Variants in COL4A4 observed in about 807,000 individuals in gnomAD.
COL4A4 encodes collagen alpha-4(IV) chain.
In COL4A4, 105 loss-of-function variants were observed where a neutral mutation model predicts 192.9. The observed-to-expected ratio is 0.54, with a 90% CI of 0.46 to 0.64. The LOEUF is 0.64. Ranked by LOEUF, COL4A4 falls within the 30% of genes least tolerant of loss-of-function variation. The pLI is 0.00. For missense variants in COL4A4, 1,967 were observed against 2,169.3 expected, an observed-to-expected ratio of 0.91 and a Z score of 1.85; for synonymous variants, 762 against 769.9, an observed-to-expected ratio of 0.99 and a Z score of 0.17.
intron 3 of COL4A4, among the ~76,000 whole-genome samples, chr2:227,141,117 G>A (rs2063180331): frequency 6.6e-6 from 1 of 152,242 alleles, no homozygotes; most frequent in Non-Finnish European, 1.5e-5. Flanking sequence ...TGCCAGTGGG[G>A]AGGGAGTGGT....
intron 1 of COL4A4, among the ~76,000 whole-genome samples, chr2:227,161,398 G>T (rs1271379292): frequency 2.0e-5 from 3 of 152,152 alleles, no homozygotes; most frequent in Admixed American, 2.0e-4. Flanking sequence ...AAAAAATAGA[G>T]ACCTCTGTGT....
downstream of COL4A4, chr2:226,998,010 C>G (rs1163966785): frequency 6.6e-6 from 1 of 152,148 alleles, no homozygotes; most frequent in Non-Finnish European, 1.5e-5. Context: ...GACTAATTAT[C>G]TCTAGTAGGG....
rs536844000 is a variant in COL4A4, at chr2:227,148,697, G to A, written c.-101-1113C>T. On this transcript the variant is annotated intron_variant, in intron 1 of 47. Coordinates refer to ENST00000396625, the MANE Select transcript of COL4A4 (RefSeq NM_000092.5). Reference sequence around the variant, plus strand: ...GAAAAAATATTTTAAAACTTGACTCGAAGAAGTCTTTACTTTGATAAAAGA... The same window carrying A: ...GAAAAAATATTTTAAAACTTGACTCAAAGAAGTCTTTACTTTGATAAAAGA... Among the ~76,000 whole-genome samples, 90 of 151,948 alleles carry A rather than the reference G, an allele frequency of 5.9e-4. 1 individual carries two copies. The highest frequency in any genetic ancestry group is 2.0e-3 in the African/African-American group (81 of 41,486).
intron 6 of COL4A4, among the ~76,000 whole-genome samples, chr2:227,119,564 A>AATATG (rs2061668049): frequency 6.7e-6 from 1 of 148,666 alleles, no homozygotes. Context: ...CATACTATAC[A>AATATG]TATCTTATAT....
chr2:227,022,608 C>A, intron 43 of COL4A4: 1 of 518,024 alleles, frequency 1.9e-6, no homozygotes, highest in Non-Finnish European at 4.0e-6. Flanking sequence ...CCTTACTCTA[C>A]ACTGCAGCCA....
rs1576653155 is a variant in COL4A4, at chr2:227,119,896, G to T, written c.371C>A (p.Pro124His). The change falls in exon 6 of 48, where the codon CCT becomes CAT. Residue 124 changes from proline (P) to histidine (H), a missense_variant and splice_region_variant. Transcript: ENST00000396625. Reference protein sequence around the residue: ...VPGFPGLDGIPGHPGPPGPRG... With the variant: ...VPGFPGLDGIHGHPGPPGPRG... The stretch of plus-strand genomic sequence containing the variant: ...TGGAGAAAATTTAGGGATACTTACA[G>T]GTATGCCATCTAAACCTGGAAATCC... The T allele has an allele frequency of 6.3e-7, 1 of 1,585,264 alleles. No individual in the cohort carries two copies.
chr2:227,074,775 A>G (rs2058926645), intron 25 of COL4A4, among the ~76,000 whole-genome samples: 1 of 152,210 alleles, frequency 6.6e-6, no homozygotes, highest in African/African-American at 2.4e-5. Flanking sequence ...GCTGGAGGCC[A>G]TAATTATAAA....
chr2:227,042,991 T>G, intron 36 of COL4A4, 86 bp downstream of exon 36: 1 of 969,074 alleles, frequency 1.0e-6, no homozygotes, highest in African/African-American at 1.6e-5. Flanking sequence ...ATATCTGAAT[T>G]TAGGTCTAAT....
At chr2:226,978,675 G>A in the COL4A4 span, among the ~76,000 whole-genome samples, 1 of 152,170 alleles carries the variant, frequency 6.6e-6, no homozygotes, top group African/African-American at 2.4e-5. Context: ...GAGAATGCAC[G>A]CTGTCAAAAT....
intron 2 of COL4A4, 146 bp from the exon 3 acceptor site, chr2:227,144,704 GA>G: frequency 1.5e-6 from 1 of 667,090 alleles, no homozygotes; most frequent in Non-Finnish European, 2.7e-6. Flanking sequence ...TCAGTGACAA[GA>G]TCCATGCTTT....
chr2:227,068,456 G>A (rs1250427681), intron 25 of COL4A4, among the ~76,000 whole-genome samples: 3 of 152,194 alleles, frequency 2.0e-5, no homozygotes, highest in Non-Finnish European at 1.5e-5. Context: ...GAACATTGAT[G>A]CAAAAATCCT....
intron 33 of COL4A4, among the ~76,000 whole-genome samples, chr2:227,050,701 G>C (rs1307976470): frequency 6.6e-6 from 1 of 152,162 alleles, no homozygotes; most frequent in East Asian, 1.9e-4. Flanking sequence ...TAAACCAGTG[G>C]TCATGAGGCA....
At chr2:227,096,979 C>T (rs563593300) in intron 19 of COL4A4, among the ~76,000 whole-genome samples, 1 of 152,200 alleles carries the variant, frequency 6.6e-6, no homozygotes, top group East Asian at 1.9e-4. Context: ...ATCATATCTA[C>T]AAATTATATA....
chr2:227,064,928 G>A (rs6731021), intron 25 of COL4A4, among the ~76,000 whole-genome samples: 2,111 of 152,272 alleles, frequency 0.014, 41 homozygotes, highest in African/African-American at 0.048. Context: ...AGCTCCCAGC[G>A]CGCGCGACGC....
Position 227,022,096 on chromosome 2 carries a change from G to T in COL4A4, c.4168C>A (p.Pro1390Thr). 1 of 1,614,026 alleles carries T rather than the reference G, an allele frequency of 6.2e-7. No homozygotes were observed. The highest frequency in any genetic ancestry group is 1.1e-5 in the South Asian group (1 of 91,072). ...CCAGGGAGCCCCATGGCTCCTTCTG[G>T]TCCTCTCATGCCTGGCGCCCCAGGA... ...GLPGAPGMRG[P>T]EGAMGLPGMR... Residue 1390 changes from proline (P) to threonine (T), a missense_variant, in exon 44 of 48, where the codon CCA becomes ACA. Coordinates refer to ENST00000396625, the MANE Select transcript of COL4A4 (RefSeq NM_000092.5).
At position 227,051,067 on chromosome 2, in the gene COL4A4, T is replaced by C. The variant is rs2150182248; in HGVS notation, c.3060A>G (p.Lys1020=). 6.2e-7 allele frequency: 1 copy of C among 1,614,164 alleles called. No individual in the cohort carries two copies. The highest frequency in any genetic ancestry group is 8.5e-7 in the Non-Finnish European group (1 of 1,180,010). ...GGGGTCCAGGAGGCCCTGGCTGACCTTTCTCACCAGGTTCCCCTCTGTGAA... is the reference window on the plus strand; with the variant it reads ...GGGGTCCAGGAGGCCCTGGCTGACCCTTCTCACCAGGTTCCCCTCTGTGAA... ...PGFHRGEPGE[K]GQPGPPGPPG... The change falls in exon 33 of 48, where the codon AAA becomes AAG. Residue 1020 remains lysine (K), a synonymous_variant. Transcript: ENST00000396625.
At chr2:227,069,669 T>G (rs1158108108) in intron 25 of COL4A4, among the ~76,000 whole-genome samples, 10 of 152,162 alleles carry the variant, frequency 6.6e-5, no homozygotes, top group East Asian at 5.8e-4. Flanking sequence ...TAGCCATACG[T>G]AGAAAGCTGA....
Position 227,118,744 on chromosome 2 carries a change from A to G in COL4A4, c.390T>C (p.Pro130=), listed in dbSNP as rs540138735. 6.8e-6 allele frequency: 11 copies of G among 1,613,568 alleles called. No individual in the cohort carries two copies. In the African/African-American group the frequency reaches 1.1e-4, roughly 16 times the overall value. Residue 130 remains proline (P), a synonymous_variant, in exon 7 of 48, where the codon CCT becomes CCC. Coordinates refer to ENST00000396625, the MANE Select transcript of COL4A4 (RefSeq NM_000092.5). ...LDGIPGHPGP[P]GPRGKPGMSG... ...TCATACCAGGTTTGCCTCTGGGTCCAGGAGGCCCTGGGTGCCCCTGCAGAA... is the reference window on the plus strand; with the variant it reads ...TCATACCAGGTTTGCCTCTGGGTCCGGGAGGCCCTGGGTGCCCCTGCAGAA...
Position 227,032,023 on chromosome 2 carries a change from T to G in COL4A4, c.3739A>C (p.Thr1247Pro). 9 of 1,614,096 alleles carry G rather than the reference T, an allele frequency of 5.6e-6. No homozygotes were observed. The highest frequency in any genetic ancestry group is 7.6e-6 in the Non-Finnish European group (9 of 1,179,956). Residue 1247 changes from threonine (T) to proline (P), a missense_variant, in exon 40 of 48, where the codon ACA (threonine) becomes CCA (proline). Thr to Pro is a conservative substitution (Grantham distance 38). Coordinates refer to ENST00000396625, the MANE Select transcript of COL4A4 (RefSeq NM_000092.5). ...GGAATGTCCTTAGGAGCTCTTCCTG[T>G]GGCACCTGCAGGACCAGGTGGTCCT... Reference protein sequence around the residue: ...SSGPPGPAGATGRAPKDIPDP... With the variant: ...SSGPPGPAGAPGRAPKDIPDP...
Sources: gnomAD v4.1 joint callset for allele counts (sites outside exome capture counted in the v4.1 genomes callset) on GRCh38, gnomAD v4.1.1 for gene constraint, MANE v1.5 for transcripts, NCBI Gene and HGNC (gene_info 2026-07-23, HGNC 2026-07-21) for gene names.